The following HMGA2 variants were observed in gnomAD, a reference collection of about 807,000 sequenced individuals.
HMGA2 encodes the protein high mobility group AT-hook 2, also known as high mobility group protein HMGI-C.
HMGA2 carries 8 observed loss-of-function variants against 19.1 expected under a neutral mutation model. That is an observed-to-expected ratio of 0.42 (90% confidence interval 0.25 to 0.76). The LOEUF (loss-of-function observed/expected upper bound fraction) is 0.76, where lower values mean the gene tolerates loss of function less well. HMGA2 is among the 30% of genes least tolerant of loss of function. The pLI, the probability that HMGA2 is intolerant of heterozygous loss-of-function variation, is 0.28. For missense variants in HMGA2, 109 were observed against 136.3 expected, an observed-to-expected ratio of 0.80 and a Z score of 1.00; for synonymous variants, 60 against 48.8, an observed-to-expected ratio of 1.23 and a Z score of -0.96.
intron 3 of HMGA2, among the ~76,000 whole-genome samples, chr12:65,931,523 G>A (rs563300456): frequency 1.3e-3 from 199 of 151,234 alleles, no homozygotes; most frequent in Non-Finnish European, 2.4e-3. Context: ...CAACAAGAAT[G>A]GAACCCAGGA....
intron 3 of HMGA2, among the ~76,000 whole-genome samples, chr12:65,870,392 T>C (rs902653686): frequency 2.6e-5 from 4 of 152,168 alleles, no homozygotes; most frequent in Non-Finnish European, 4.4e-5. Context: ...ACAAAGGAGA[T>C]GAATGACACT....
At chr12:65,920,079 T>G (rs982015511) in intron 3 of HMGA2, among the ~76,000 whole-genome samples, 4 of 152,206 alleles carry the variant, frequency 2.6e-5, no homozygotes, top group Admixed American at 6.5e-5. Flanking sequence ...ACTTGTTTGT[T>G]TCCTAATTTG....
At chr12:65,884,841 G>T (rs1397077770) in intron 3 of HMGA2, among the ~76,000 whole-genome samples, 1 of 152,122 alleles carries the variant, frequency 6.6e-6, no homozygotes, top group Non-Finnish European at 1.5e-5. Flanking sequence ...GAATGAAAAT[G>T]GTATCATCAT....
At position 65,963,763 on chromosome 12, in the gene HMGA2, C is replaced by G. The variant is rs1876824867; in HGVS notation, c.*471C>G. The stretch of plus-strand genomic sequence containing the variant: ...ACACTGTGTACACCTCAAATACCAC[C>G]CCAACCCACTCCCTGTAGTGAATCC... On this transcript the variant is annotated 3_prime_UTR_variant, in exon 5 of 5. Coordinates refer to ENST00000403681, the MANE Select transcript of HMGA2 (RefSeq NM_003483.6). 1 of 260,398 alleles carries G rather than the reference C, an allele frequency of 3.8e-6. No individual in the cohort carries two copies. The highest frequency in any genetic ancestry group is 7.3e-6 in the Non-Finnish European group (1 of 137,036). The allele number at this position is 260,398 out of a possible 1,614,324, so 16.1% of individuals were successfully genotyped here.
At chr12:65,938,640 GT>G (rs748462995) in intron 3 of HMGA2, among the ~76,000 whole-genome samples, 3 of 151,122 alleles carry the variant, frequency 2.0e-5, no homozygotes, top group Middle Eastern at 3.4e-3. Flanking sequence ...CCATGACAAC[GT>G]TTTTTTTTAA....
intron 3 of HMGA2, chr12:65,867,433 G>C: frequency 2.2e-6 from 1 of 451,938 alleles, no homozygotes. Flanking sequence ...ATCTGAGCAG[G>C]AGGAGTTAGA....
At chr12:65,840,173 C>T (rs372420596) in intron 3 of HMGA2, among the ~76,000 whole-genome samples, 1 of 152,324 alleles carries the variant, frequency 6.6e-6, no homozygotes, top group Middle Eastern at 3.4e-3. Context: ...TTATCACCTT[C>T]CTTGTTGTAC....
intron 3 of HMGA2, among the ~76,000 whole-genome samples, chr12:65,915,951 C>T (rs567779823): frequency 2.8e-4 from 42 of 152,262 alleles, no homozygotes; most frequent in African/African-American, 8.9e-4. Flanking sequence ...ACCCAGGGTA[C>T]TGGAGGGAAA....
intron 3 of HMGA2, among the ~76,000 whole-genome samples, chr12:65,909,851 C>A (rs952409380): frequency 3.9e-5 from 6 of 152,206 alleles, no homozygotes; most frequent in Admixed American, 6.5e-5. Context: ...TAAACACATG[C>A]AAACCCAGCT....
At chr12:65,901,479 GAATA>G (rs1174845693) in intron 3 of HMGA2, among the ~76,000 whole-genome samples, 1 of 152,142 alleles carries the variant, frequency 6.6e-6, no homozygotes, top group Non-Finnish European at 1.5e-5. Flanking sequence ...TTGCTGAAAT[GAATA>G]GTCACCAAGC....
At chr12:65,885,353 CA>C (rs771097422) in intron 3 of HMGA2, among the ~76,000 whole-genome samples, 15 of 151,932 alleles carry the variant, frequency 9.9e-5, no homozygotes, top group Non-Finnish European at 2.1e-4. Flanking sequence ...TTCTCAGATA[CA>C]AAGGATTGTT....
intron 3 of HMGA2, among the ~76,000 whole-genome samples, chr12:65,950,091 T>C (rs1195957275): frequency 3.9e-5 from 6 of 152,308 alleles, no homozygotes; most frequent in Admixed American, 3.9e-4. Flanking sequence ...GAACTCCAGA[T>C]TCATTGCTGG....
At chr12:65,903,063 T>C (rs1874439693) in intron 3 of HMGA2, among the ~76,000 whole-genome samples, 1 of 152,128 alleles carries the variant, frequency 6.6e-6, no homozygotes, top group South Asian at 2.1e-4. Flanking sequence ...AGTTTGTTTG[T>C]TTGTTTGTTT....
chr12:65,891,325 T>C (rs1301268897), intron 3 of HMGA2, among the ~76,000 whole-genome samples: 2 of 152,152 alleles, frequency 1.3e-5, no homozygotes, highest in East Asian at 3.9e-4. Context: ...CAGCAATAAA[T>C]GAACACAAAG....
At chr12:65,860,934 G>C (rs1157540048) in intron 3 of HMGA2, among the ~76,000 whole-genome samples, 1 of 152,174 alleles carries the variant, frequency 6.6e-6, no homozygotes, top group Non-Finnish European at 1.5e-5. Flanking sequence ...CCTGGTTCAG[G>C]GACATAGGCT....
At position 65,963,469 on chromosome 12, in the gene HMGA2, G is replaced by C. The variant is rs1471126394; in HGVS notation, c.*177G>C. The C allele has an allele frequency of 1.6e-6, 1 of 617,870 alleles. No individual in the cohort carries two copies. Among genetic ancestry groups the C allele is most frequent in the Non-Finnish European group, 2.9e-6 (1 of 348,796 alleles). The allele number at this position is 617,870 out of a possible 1,614,324, so 38.3% of individuals were successfully genotyped here. On this transcript the variant is annotated 3_prime_UTR_variant, in exon 5 of 5. Transcript: ENST00000403681. ...GGAGAAATCACATAACCTTAAAAAGGACTATATTAATCACCTTCTTTGTAA... is the reference window on the plus strand; with the variant it reads ...GGAGAAATCACATAACCTTAAAAAGCACTATATTAATCACCTTCTTTGTAA...
intron 3 of HMGA2, chr12:65,842,034 C>T: frequency 2.2e-5 from 26 of 1,184,662 alleles, no homozygotes; most frequent in South Asian, 7.8e-5. Context: ...GATTTCAGAT[C>T]TATTGTTTTT....
chr12:65,898,730 A>G (rs1488055801), intron 3 of HMGA2, among the ~76,000 whole-genome samples: 1 of 152,016 alleles, frequency 6.6e-6, no homozygotes, highest in Non-Finnish European at 1.5e-5. Context: ...CTGCCAAATC[A>G]TGTTACGATT....
At chr12:65,931,032 T>C (rs1052615312) in intron 3 of HMGA2, among the ~76,000 whole-genome samples, 2 of 152,240 alleles carry the variant, frequency 1.3e-5, no homozygotes, top group Non-Finnish European at 2.9e-5. Flanking sequence ...TGATCAGTCA[T>C]ACAAAGAGTT....
Sources: allele counts gnomAD v4.1 joint callset (sites outside exome capture counted in the v4.1 genomes callset), GRCh38; gene constraint gnomAD v4.1.1; transcripts MANE v1.5; gene names NCBI Gene and HGNC (gene_info 2026-07-23, HGNC 2026-07-21).